The following LMO7 variants were observed in gnomAD, a reference collection of about 807,000 sequenced individuals.
LMO7 encodes LIM domain 7.
In LMO7, 120 loss-of-function variants were observed where a neutral mutation model predicts 206.5. That is an observed-to-expected ratio of 0.58 (90% CI 0.50 to 0.68). LMO7 has a LOEUF of 0.68. LMO7 is among the 30% of genes least tolerant of loss of function. LMO7 has a pLI of 0.00. For synonymous variants in LMO7, 706 were observed against 681.5 expected, an observed-to-expected ratio of 1.04 and a Z score of -0.56; for missense variants, 1,959 against 1,957.9, an observed-to-expected ratio of 1.00 and a Z score of -0.01.
At chr13:75,728,010 T>C (rs1014514275) in intron 3 of LMO7, among the ~76,000 whole-genome samples, 1 of 152,104 alleles carries the variant, frequency 6.6e-6, no homozygotes, top group African/African-American at 2.4e-5. Flanking sequence ...CACATTTTCT[T>C]AATCCAGTCT....
intron 21 of LMO7, 103 bp downstream of exon 21, chr13:75,840,213 T>C (rs1290771367): frequency 7.1e-7 from 1 of 1,403,400 alleles, no homozygotes; most frequent in Non-Finnish European, 1.0e-6. Flanking sequence ...TAAGAATTTA[T>C]CAGAGAGTTA....
At chr13:75,710,618 G>A (rs113391021) in intron 1 of LMO7, among the ~76,000 whole-genome samples, 9,975 of 149,106 alleles carry the variant, frequency 0.067, 619 homozygotes, top group African/African-American at 0.18. Context: ...TTGGTGTATA[G>A]GAATGCTTGT....
At chr13:75,810,773 G>A (rs2056271650) in intron 11 of LMO7, among the ~76,000 whole-genome samples, 1 of 152,196 alleles carries the variant, frequency 6.6e-6, no homozygotes, top group Admixed American at 6.5e-5. Flanking sequence ...ATGTCAACAT[G>A]TACAACCATT....
intron 7 of LMO7, among the ~76,000 whole-genome samples, chr13:75,803,134 A>G (rs544225176): frequency 8.5e-5 from 13 of 152,324 alleles, no homozygotes; most frequent in African/African-American, 2.9e-4. Context: ...TTTATTGACT[A>G]CTACTCCTCA....
chr13:75,841,078 T>C, intron 22 of LMO7, 31 bp from the exon 23 acceptor site: 1 of 1,344,582 alleles, frequency 7.4e-7, no homozygotes, highest in African/African-American at 1.4e-5. Context: ...AGTTAATCTA[T>C]TGGATTAATA....
At chr13:75,749,210 C>T (rs549116034) in intron 3 of LMO7, among the ~76,000 whole-genome samples, 2 of 152,172 alleles carry the variant, frequency 1.3e-5, no homozygotes, top group South Asian at 4.2e-4. Flanking sequence ...CTAAAGGTGC[C>T]CCAATTTCTA....
intron 15 of LMO7, among the ~76,000 whole-genome samples, chr13:75,831,619 A>G (rs1545266): frequency 1.9e-3 from 282 of 152,296 alleles, no homozygotes; most frequent in African/African-American, 6.5e-3. Context: ...GTGCTGTGTC[A>G]CAACATGGTG....
chr13:75,720,862 C>G (rs747928935), intron 2 of LMO7, among the ~76,000 whole-genome samples: 1 of 152,122 alleles, frequency 6.6e-6, no homozygotes, highest in Non-Finnish European at 1.5e-5. Context: ...TAGAAATTAA[C>G]ATCAATTTTA....
intron 27 of LMO7, 60 bp from the exon 28 acceptor site, chr13:75,853,032 T>A: frequency 7.5e-7 from 1 of 1,337,190 alleles, no homozygotes; most frequent in Non-Finnish European, 1.0e-6. Context: ...GAATGATGAA[T>A]TAAATAGATT....
chr13:75,762,350 A>G (rs1018900700), intron 4 of LMO7, among the ~76,000 whole-genome samples: 19 of 152,178 alleles, frequency 1.2e-4, no homozygotes, highest in African/African-American at 4.6e-4. Flanking sequence ...TATTTGTTTT[A>G]TTTTTCCTTA....
In LMO7 at chr13:75,859,198, G is replaced by T. The variant is rs1213503430; in HGVS notation, c.*1255G>T. On this transcript the variant is annotated 3_prime_UTR_variant, in exon 31 of 31. Transcript: ENST00000377534. Reference sequence around the variant, plus strand: ...TGGAGGATTCTAGGAACTGAGAACTGTATTGGAATAGGTTCAAAATATGTA... The same window carrying T: ...TGGAGGATTCTAGGAACTGAGAACTTTATTGGAATAGGTTCAAAATATGTA... The T allele has an allele frequency of 1.3e-5, 2 of 152,184 alleles. No individual in the cohort carries two copies. Among genetic ancestry groups the T allele is most frequent in the Non-Finnish European group, 2.9e-5 (2 of 68,028 alleles). 9.4% of individuals were successfully genotyped at this position (152,184 alleles called of 1,614,324 possible).
intron 15 of LMO7, among the ~76,000 whole-genome samples, chr13:75,825,997 C>T (rs1178910967): frequency 6.6e-6 from 1 of 151,966 alleles, no homozygotes; most frequent in African/African-American, 2.4e-5. Context: ...CAGACTCCCC[C>T]TTGATGTTAT....
At chr13:75,717,354 C>G (rs925492005) in intron 2 of LMO7, among the ~76,000 whole-genome samples, 10 of 124,814 alleles carry the variant, frequency 8.0e-5, no homozygotes, top group African/African-American at 3.2e-4. Flanking sequence ...CAGAGTGAGA[C>G]TCCGTCTCAA....
At chr13:75,725,742 G>A (rs910613442) in intron 2 of LMO7, among the ~76,000 whole-genome samples, 1 of 152,006 alleles carries the variant, frequency 6.6e-6, no homozygotes, top group African/African-American at 2.4e-5. Context: ...TGAGAGAATG[G>A]TATTATTAAC....
At chr13:75,728,619 C>G (rs898645623) in intron 3 of LMO7, among the ~76,000 whole-genome samples, 17 of 141,092 alleles carry the variant, frequency 1.2e-4, no homozygotes, top group Non-Finnish European at 2.3e-4. Flanking sequence ...TGCAGAAGCT[C>G]TTTAGTTTAA....
At chr13:75,849,892 G>A (rs2060344619) in intron 27 of LMO7, among the ~76,000 whole-genome samples, 1 of 152,156 alleles carries the variant, frequency 6.6e-6, no homozygotes, top group South Asian at 2.1e-4. Flanking sequence ...GAATTTATTT[G>A]TAACATATCA....
At chr13:75,741,216 A>C (rs928582936) in intron 3 of LMO7, among the ~76,000 whole-genome samples, 1 of 152,228 alleles carries the variant, frequency 6.6e-6, no homozygotes. Flanking sequence ...ACTAACATTT[A>C]AACGTTCTTA....
intron 1 of LMO7, chr13:75,689,136 T>G (rs1165069348): frequency 6.6e-6 from 1 of 152,108 alleles, no homozygotes; most frequent in Non-Finnish European, 1.5e-5. Flanking sequence ...CCTCTAAGAG[T>G]TCATCTTCAG....
intron 25 of LMO7, among the ~76,000 whole-genome samples, chr13:75,843,217 G>C (rs1327530157): frequency 6.6e-6 from 1 of 152,316 alleles, no homozygotes; most frequent in South Asian, 2.1e-4. Flanking sequence ...TCTGCTTTTG[G>C]GGGTTGGCTG....
Sources: gnomAD v4.1 joint callset for allele counts (sites outside exome capture counted in the v4.1 genomes callset) on GRCh38, gnomAD v4.1.1 for gene constraint, MANE v1.5 for transcripts, NCBI Gene and HGNC (gene_info 2026-07-23, HGNC 2026-07-21) for gene names.